SLC5A1: variants seen among roughly 807,000 people sequenced by gnomAD.
The protein encoded by SLC5A1 is sodium/glucose cotransporter 1.
SLC5A1 carries 42 observed loss-of-function variants against 73.5 expected under a neutral mutation model. That is an observed-to-expected ratio of 0.57 (90% CI 0.45 to 0.74). The LOEUF is 0.74. SLC5A1 is among the 30% of genes least tolerant of loss of function. SLC5A1 has a pLI of 0.00. For missense variants in SLC5A1, 634 were observed against 855.4 expected, an observed-to-expected ratio of 0.74 and a Z score of 3.23; for synonymous variants, 300 against 317.4, an observed-to-expected ratio of 0.95 and a Z score of 0.58.
chr22:32,048,931 G>A lies in SLC5A1; in HGVS notation c.136-1012G>A, dbSNP rs375763793. Reference sequence around the variant, plus strand: ...CTAAAAATACAAAAATTAGCTGGGCGTAGTAGCACATGCCTGTAGTCCCAG... The same window carrying A: ...CTAAAAATACAAAAATTAGCTGGGCATAGTAGCACATGCCTGTAGTCCCAG... On this transcript the variant is annotated intron_variant, in intron 1 of 14. Coordinates refer to ENST00000266088, the MANE Select transcript of SLC5A1 (RefSeq NM_000343.4). Among the ~76,000 whole-genome samples the A allele has an allele frequency of 1.8e-3, 276 of 151,868 alleles. 1 individual carries two copies. The highest frequency in any genetic ancestry group is 0.01 in the Middle Eastern group (3 of 294).
intron 7 of SLC5A1, among the ~76,000 whole-genome samples, chr22:32,084,036 G>C (rs1030851557): frequency 2.6e-5 from 4 of 152,196 alleles, no homozygotes; most frequent in African/African-American, 9.7e-5. Context: ...TGTGTGTCTA[G>C]GTCTGTGTGT....
At chr22:32,097,653 AAAGGG>A (rs1184763331) in intron 11 of SLC5A1, among the ~76,000 whole-genome samples, 1 of 152,168 alleles carries the variant, frequency 6.6e-6, no homozygotes, top group Non-Finnish European at 1.5e-5. Context: ...GAAGAAGACA[AAAGGG>A]AAGAAGGAGG....
At chr22:32,077,964 T>C (rs914766719) in intron 5 of SLC5A1, among the ~76,000 whole-genome samples, 1 of 152,228 alleles carries the variant, frequency 6.6e-6, no homozygotes, top group Admixed American at 6.5e-5. Flanking sequence ...ACACTTTAAC[T>C]CCAATACCAA....
At chr22:32,064,558 T>C (rs2093969293) in intron 2 of SLC5A1, among the ~76,000 whole-genome samples, 2 of 151,722 alleles carry the variant, frequency 1.3e-5, no homozygotes, top group Admixed American at 1.3e-4. Context: ...GAGGTAGATG[T>C]CTCTAAACAA....
At chr22:32,054,380 A>T (rs1448872337) in intron 2 of SLC5A1, among the ~76,000 whole-genome samples, 1 of 152,142 alleles carries the variant, frequency 6.6e-6, no homozygotes, top group Non-Finnish European at 1.5e-5. Flanking sequence ...ATATACGTAA[A>T]ATTATCAATA....
At chr22:32,054,391 A>G (rs1027391979) in intron 2 of SLC5A1, among the ~76,000 whole-genome samples, 2 of 152,176 alleles carry the variant, frequency 1.3e-5, no homozygotes, top group Admixed American at 1.3e-4. Flanking sequence ...ATTATCAATA[A>G]TAGTTAAGTG....
rs567212988 is a variant in SLC5A1 at position 32,044,586 on chromosome 22, G to A, written c.135+1170G>A. Among the ~76,000 whole-genome samples, 24 of 152,106 alleles carry A rather than the reference G, an allele frequency of 1.6e-4. No homozygotes were observed. The South Asian group carries it at 5.0e-3, about 32-fold the overall frequency. On this transcript the variant is annotated intron_variant, in intron 1 of 14. Coordinates refer to ENST00000266088, the MANE Select transcript of SLC5A1 (RefSeq NM_000343.4). Reference sequence around the variant, plus strand: ...GAATGCCTCCCAAGTGTCACATGGGGTCAGTATGGCTGACTTTTCCTCAAT... The same window carrying A: ...GAATGCCTCCCAAGTGTCACATGGGATCAGTATGGCTGACTTTTCCTCAAT...
intron 5 of SLC5A1, among the ~76,000 whole-genome samples, chr22:32,079,293 G>A (rs1483353317): frequency 1.3e-5 from 2 of 152,186 alleles, no homozygotes; most frequent in African/African-American, 4.8e-5. Context: ...GGCATGCCAA[G>A]GCAGAATTCA....
intron 2 of SLC5A1, among the ~76,000 whole-genome samples, chr22:32,054,183 A>T (rs1209482557): frequency 1.3e-5 from 2 of 152,106 alleles, no homozygotes; most frequent in Non-Finnish European, 2.9e-5. Flanking sequence ...AAAAAAAATA[A>T]AATAGTAATT....
At chr22:32,058,557 C>G (rs1232523193) in intron 2 of SLC5A1, among the ~76,000 whole-genome samples, 3 of 152,096 alleles carry the variant, frequency 2.0e-5, no homozygotes, top group Non-Finnish European at 4.4e-5. Context: ...AAAATAGGGT[C>G]ATATAAGTGG....
intron 2 of SLC5A1, among the ~76,000 whole-genome samples, chr22:32,055,672 A>G (rs1367807645): frequency 6.6e-6 from 1 of 152,198 alleles, no homozygotes; most frequent in Non-Finnish European, 1.5e-5. Flanking sequence ...GACTTCAGTC[A>G]CCTTTGGCTA....
At chr22:32,106,275 G>A (rs1483077492) in intron 14 of SLC5A1, among the ~76,000 whole-genome samples, 3 of 152,198 alleles carry the variant, frequency 2.0e-5, no homozygotes, top group African/African-American at 7.2e-5. Context: ...GTGATGAGAT[G>A]ATATATCATT....
chr22:32,083,001 G>C, intron 6 of SLC5A1, 73 bp from the exon 7 acceptor site: 1 of 1,342,618 alleles, frequency 7.4e-7, no homozygotes, highest in Non-Finnish European at 1.1e-6. Flanking sequence ...AGAGGGTGGA[G>C]AGTGGGGAAG....
intron 1 of SLC5A1, among the ~76,000 whole-genome samples, chr22:32,044,294 G>A (rs911975667): frequency 3.2e-4 from 48 of 152,250 alleles, no homozygotes; most frequent in African/African-American, 9.9e-4. Flanking sequence ...GCAACATAGT[G>A]AGACTCTGTC....
chr22:32,068,670 C>A, intron 5 of SLC5A1, 70 bp downstream of exon 5: 1 of 1,062,384 alleles, frequency 9.4e-7, no homozygotes, highest in Non-Finnish European at 1.5e-6. Flanking sequence ...CACATGCTGC[C>A]CACCAAGAGG....
chr22:32,100,257 C>G (rs2094034044), intron 12 of SLC5A1, among the ~76,000 whole-genome samples: 1 of 152,194 alleles, frequency 6.6e-6, no homozygotes, highest in South Asian at 2.1e-4. Context: ...TTAGGTTTTT[C>G]TAAATATGAG....
In SLC5A1 at chr22:32,043,450, G is replaced by A. The variant is rs754004419; in HGVS notation, c.135+34G>A. ...CGGGTTCTGGGATGCGGGTGGGGAG[G>A]GTGCGCACAGAGGAGGAGCAATGGC... On this transcript the variant is annotated intron_variant, in intron 1 of 14. Transcript: ENST00000266088. This position sits in a 1 kb window ranked among gnomAD's most constrained non-coding sequence, Gnocchi z 6.5. 6.2e-7 allele frequency: 1 copy of A among 1,611,476 alleles called. No individual in the cohort carries two copies. The highest frequency in any genetic ancestry group is 8.5e-7 in the Non-Finnish European group (1 of 1,178,676).
intron 14 of SLC5A1, among the ~76,000 whole-genome samples, chr22:32,106,155 C>A (rs1408306602): frequency 6.6e-6 from 1 of 152,178 alleles, no homozygotes; most frequent in Non-Finnish European, 1.5e-5. Context: ...TTTTGAGGAA[C>A]CTCCAAACTG....
In SLC5A1 at chr22:32,068,654, C is replaced by G. The variant is rs571199151; in HGVS notation, c.477+54C>G. ...TGTCTCAGAAGCTGCCACTCTCATT[C>G]CTCATCACATGCTGCCCACCAAGAG... On this transcript the variant is annotated intron_variant, in intron 5 of 14. Coordinates refer to ENST00000266088, the MANE Select transcript of SLC5A1 (RefSeq NM_000343.4). 9.3e-6 allele frequency: 11 copies of G among 1,188,996 alleles called. No individual in the cohort carries two copies. The East Asian group carries it at 2.6e-4, about 28-fold the overall frequency. The allele number at this position is 1,188,996 out of a possible 1,614,324, so 73.7% of individuals were successfully genotyped here.
Sources: gnomAD v4.1 joint callset for allele counts (sites outside exome capture counted in the v4.1 genomes callset) on GRCh38, gnomAD v4.1.1 for gene constraint, Gnocchi (gnomAD v3.1) non-coding constraint, MANE v1.5 for transcripts, NCBI Gene and HGNC (gene_info 2026-07-23, HGNC 2026-07-21) for gene names.